Variants in STXBP5L observed in about 807,000 individuals in gnomAD.
STXBP5L encodes syntaxin-binding protein 5-like.
STXBP5L carries 65 observed loss-of-function variants against 144.5 expected under a neutral mutation model. The observed-to-expected ratio is 0.45, with a 90% CI of 0.37 to 0.55. The LOEUF (loss-of-function observed/expected upper bound fraction) is 0.55, where lower values mean the gene tolerates loss of function less well. Among genes scored for constraint, STXBP5L ranks in the 20% least tolerant of loss-of-function variants. STXBP5L has a pLI of 0.00. For missense variants in STXBP5L, 1,298 were observed against 1,405.5 expected, an observed-to-expected ratio of 0.92 and a Z score of 1.22; for synonymous variants, 505 against 469.6, an observed-to-expected ratio of 1.08 and a Z score of -0.97.
chr3:120,976,767 A>G (rs1416787220), intron 3 of STXBP5L, among the ~76,000 whole-genome samples: 14 of 152,200 alleles, frequency 9.2e-5, no homozygotes, highest in African/African-American at 3.1e-4. Flanking sequence ...CTGGTTTCAA[A>G]GAACATCTTT....
chr3:121,191,880 G>C (rs2047701018), intron 9 of STXBP5L, among the ~76,000 whole-genome samples: 1 of 151,600 alleles, frequency 6.6e-6, no homozygotes, highest in African/African-American at 2.4e-5. Flanking sequence ...CTCACTCATA[G>C]GTGGGAATTG....
chr3:121,208,502 C>CA (rs764838386), intron 10 of STXBP5L, among the ~76,000 whole-genome samples: 1 of 151,056 alleles, frequency 6.6e-6, no homozygotes. Flanking sequence ...ATACTAATAA[C>CA]AAAAAAACCC....
chr3:121,135,917 C>T (rs900575035), intron 7 of STXBP5L, among the ~76,000 whole-genome samples: 5 of 152,146 alleles, frequency 3.3e-5, no homozygotes, highest in East Asian at 3.9e-4. Context: ...CAGTGGCAGG[C>T]GGGCTGTAGC....
chr3:121,076,535 C>T (rs1317474747), intron 5 of STXBP5L, among the ~76,000 whole-genome samples: 1 of 152,068 alleles, frequency 6.6e-6, no homozygotes, highest in African/African-American at 2.4e-5. Flanking sequence ...CCACTCAGGG[C>T]AGGTCTGAAT....
chr3:121,070,447 G>A (rs1202189194), intron 5 of STXBP5L, among the ~76,000 whole-genome samples: 2 of 152,054 alleles, frequency 1.3e-5, no homozygotes, highest in African/African-American at 4.8e-5. Flanking sequence ...AGTGTAAGGG[G>A]GGTGTCACAC....
At chr3:121,108,391 A>G (rs1166963717) in intron 5 of STXBP5L, among the ~76,000 whole-genome samples, 2 of 152,286 alleles carry the variant, frequency 1.3e-5, no homozygotes, top group South Asian at 2.1e-4. Flanking sequence ...TGTTCCATCA[A>G]TACCCAGTTT....
chr3:121,011,828 T>A (rs933813016), intron 3 of STXBP5L, among the ~76,000 whole-genome samples: 3 of 151,844 alleles, frequency 2.0e-5, no homozygotes, highest in Non-Finnish European at 2.9e-5. Flanking sequence ...GGCTACCACA[T>A]AATTTAATCA....
intron 5 of STXBP5L, among the ~76,000 whole-genome samples, chr3:121,083,972 T>G (rs1309649273): frequency 6.6e-6 from 1 of 152,118 alleles, no homozygotes; most frequent in African/African-American, 2.4e-5. Context: ...TTTTCTTTTT[T>G]TCTCCTAAAA....
intron 15 of STXBP5L, among the ~76,000 whole-genome samples, chr3:121,252,315 G>A (rs949423823): frequency 4.6e-5 from 7 of 151,622 alleles, no homozygotes; most frequent in Admixed American, 2.6e-4. Context: ...GCAGTGAGCC[G>A]AGATCACACC....
At chr3:121,054,746 A>G (rs539429413) in intron 5 of STXBP5L, among the ~76,000 whole-genome samples, 1 of 151,546 alleles carries the variant, frequency 6.6e-6, no homozygotes, top group Admixed American at 6.6e-5. Context: ...TAATAATAAT[A>G]AAATTTTAAA....
intron 19 of STXBP5L, among the ~76,000 whole-genome samples, chr3:121,299,711 G>T (rs891726179): frequency 6.6e-6 from 1 of 151,926 alleles, no homozygotes; most frequent in Non-Finnish European, 1.5e-5. Flanking sequence ...AAAAGGCCAG[G>T]CATGGTGGTT....
chr3:121,223,083 A>G lies in STXBP5L; in HGVS notation c.1037A>G (p.Lys346Arg). 6.2e-7 allele frequency: 1 copy of G among 1,613,006 alleles called. No homozygotes were observed. Among genetic ancestry groups the G allele is most frequent in the Non-Finnish European group, 8.5e-7 (1 of 1,179,506 alleles). The change falls in exon 11 of 27, where the codon AAA becomes AGA. Residue 346 changes from lysine (K) to arginine (R), a missense_variant. Coordinates refer to ENST00000471454, the MANE Select transcript of STXBP5L (RefSeq NM_001308330.2). Reference protein sequence around the residue: ...RRPSLTIMHGKAITVLEMDHP... With the variant: ...RRPSLTIMHGRAITVLEMDHP... ...CCAAGTTTAACCATCATGCATGGAA[A>G]AGCAATTACAGTACTTGAAATGGAT...
chr3:121,415,385 G>A (rs1015671580), intron 24 of STXBP5L, among the ~76,000 whole-genome samples: 6 of 152,166 alleles, frequency 3.9e-5, no homozygotes, highest in Non-Finnish European at 5.9e-5. Context: ...ATTTTGACTC[G>A]TTTAAATTAT....
intron 9 of STXBP5L, among the ~76,000 whole-genome samples, chr3:121,185,253 T>C (rs1024253635): frequency 6.6e-6 from 1 of 152,246 alleles, no homozygotes; most frequent in Non-Finnish European, 1.5e-5. Context: ...AGGTTGCCTG[T>C]TCACTCTGAT....
rs2047350467 is a variant in STXBP5L, at chr3:121,421,409, T to C, written c.*2312T>C. Reference sequence around the variant, plus strand: ...GGGAACTGTCCTGTGTATTGTAGGATGTTAGCAACATCCCTGGCCTCTGTC... The same window carrying C: ...GGGAACTGTCCTGTGTATTGTAGGACGTTAGCAACATCCCTGGCCTCTGTC... On this transcript the variant is annotated 3_prime_UTR_variant, in exon 27 of 27. Coordinates refer to ENST00000471454, the MANE Select transcript of STXBP5L (RefSeq NM_001308330.2). The C allele has an allele frequency of 6.6e-6, 1 of 152,168 alleles. No homozygotes were observed. The highest frequency in any genetic ancestry group is 2.1e-4 in the South Asian group (1 of 4,834). 9.4% of individuals were successfully genotyped at this position (152,168 alleles called of 1,614,324 possible).
chr3:120,966,490 T>C (rs1939591425), intron 3 of STXBP5L, among the ~76,000 whole-genome samples: 1 of 152,196 alleles, frequency 6.6e-6, no homozygotes, highest in South Asian at 2.1e-4. Flanking sequence ...TTTGTTGATG[T>C]TGATGCTATT....
chr3:121,186,373 C>T (rs1487144809), intron 9 of STXBP5L, among the ~76,000 whole-genome samples: 1 of 152,170 alleles, frequency 6.6e-6, no homozygotes, highest in Non-Finnish European at 1.5e-5. Context: ...CTGTCTTGTG[C>T]CCATTTTCAA....
At chr3:121,084,074 A>G (rs1367060186) in intron 5 of STXBP5L, among the ~76,000 whole-genome samples, 1 of 151,034 alleles carries the variant, frequency 6.6e-6, no homozygotes, top group African/African-American at 2.4e-5. Context: ...TTTGTTTTCA[A>G]TTTTGTTGAT....
At chr3:121,192,005 T>G (rs908410151) in intron 9 of STXBP5L, among the ~76,000 whole-genome samples, 5 of 151,668 alleles carry the variant, frequency 3.3e-5, no homozygotes, top group Non-Finnish European at 5.9e-5. Flanking sequence ...AAATGATGAG[T>G]TAACGAGTGC....
Sources: gnomAD v4.1 joint callset for allele counts (sites outside exome capture counted in the v4.1 genomes callset) on GRCh38, gnomAD v4.1.1 for gene constraint, MANE v1.5 for transcripts, NCBI Gene and HGNC (gene_info 2026-07-23, HGNC 2026-07-21) for gene names.